The following TKTL1 variants were observed in gnomAD, a reference collection of about 807,000 sequenced individuals.
The protein encoded by TKTL1 is transketolase-like protein 1.
A neutral mutation model predicts 39.3 loss-of-function variants in TKTL1; 1 was observed. That is an observed-to-expected ratio of 0.03 (90% CI 0.01 to 0.12). The LOEUF is 0.12. Ranked by LOEUF, TKTL1 falls within the 10% of genes least tolerant of loss-of-function variation. The pLI, the probability that TKTL1 is intolerant of heterozygous loss-of-function variation, is 1.00. For missense variants in TKTL1, 575 were observed against 509.6 expected, an observed-to-expected ratio of 1.13 and a Z score of -1.24; for synonymous variants, 262 against 193.8, an observed-to-expected ratio of 1.35 and a Z score of -2.92.
chrX:154,305,848 C>G (rs2067311009), intron 2 of TKTL1, among the ~76,000 whole-genome samples: 1 of 111,155 alleles, frequency 9.0e-6, no homozygotes, highest in Non-Finnish European at 1.9e-5. Flanking sequence ...CACATCTGAC[C>G]TGAAACTGAT....
intron 7 of TKTL1, 84 bp downstream of exon 7, chrX:154,315,421 C>G (rs1489411263): frequency 1.3e-5 from 13 of 1,004,244 alleles, no homozygotes; most frequent in Non-Finnish European, 1.6e-5. Flanking sequence ...GTTTTTCTTT[C>G]CATTTATGAA....
chrX:154,300,289 A>AG, intron 1 of TKTL1, among the ~76,000 whole-genome samples: 1 of 112,560 alleles, frequency 8.9e-6, no homozygotes. Flanking sequence ...CTGGGATTAC[A>AG]GGCGTGAGCC....
In TKTL1 at chrX:154,295,834, C is replaced by A. The variant is rs782032074; in HGVS notation, c.-26C>A. 1 of 1,203,261 alleles carries A rather than the reference C, an allele frequency of 8.3e-7. No individual in the cohort carries two copies. The highest frequency in any genetic ancestry group is 3.0e-5 in the East Asian group (1 of 33,622). Reference sequence around the variant, plus strand: ...AGACGCCGGAGACGTAGGAGTGGGTCTTCAGACTCCAAAGGGGTTGGACTA... The same window carrying A: ...AGACGCCGGAGACGTAGGAGTGGGTATTCAGACTCCAAAGGGGTTGGACTA... On this transcript the variant is annotated 5_prime_UTR_variant, in exon 1 of 13. Coordinates refer to ENST00000369915, the MANE Select transcript of TKTL1 (RefSeq NM_012253.4).
chrX:154,300,313 C>T (rs1375161501), intron 1 of TKTL1, among the ~76,000 whole-genome samples: 4 of 112,012 alleles, frequency 3.6e-5, no homozygotes, highest in African/African-American at 1.3e-4. Flanking sequence ...GTGCCCAGCC[C>T]GATGGTGTAT....
At chrX:154,303,095 AC>A (rs1381521360) in intron 1 of TKTL1, among the ~76,000 whole-genome samples, 1 of 110,084 alleles carries the variant, frequency 9.1e-6, no homozygotes, top group African/African-American at 3.3e-5. Context: ...ACAAAATAAC[AC>A]CCTGACTCGT....
chrX:154,310,755 G>T lies in TKTL1; in HGVS notation c.351-81G>T, dbSNP rs782685952. On this transcript the variant is annotated intron_variant, in intron 3 of 12. Coordinates refer to ENST00000369915, the MANE Select transcript of TKTL1 (RefSeq NM_012253.4). The stretch of plus-strand genomic sequence containing the variant: ...TGGAGCAGCAGCTCCAGTTGCGTCC[G>T]TTTCTCCTCCTGAAATGCATTTGTT... The T allele has an allele frequency of 3.3e-6, 3 of 904,745 alleles. No homozygotes were observed. The East Asian group carries it at 9.3e-5, about 28-fold the overall frequency. 74.6% of individuals were successfully genotyped at this position (904,745 alleles called of 1,213,427 possible).
At chrX:154,314,850 A>G (rs1386695202) in intron 6 of TKTL1, among the ~76,000 whole-genome samples, 1 of 109,846 alleles carries the variant, frequency 9.1e-6, no homozygotes, top group Non-Finnish European at 1.9e-5. Flanking sequence ...TATAATGAGA[A>G]CCATTAATGT....
intron 7 of TKTL1, among the ~76,000 whole-genome samples, chrX:154,319,737 TAA>T (rs59299490): frequency 1.9e-4 from 17 of 89,698 alleles, no homozygotes; most frequent in Admixed American, 3.7e-4. Context: ...AGACCCTGTC[TAA>T]AAAAAAAAAA....
rs2067466255 is a variant in TKTL1, at chrX:154,323,272, A to G, written c.1252A>G (p.Thr418Ala). ...CATGTTCCGAACCATTCCCAAGTGC[A>G]CGATCTTCTACCCAACTGATGCCGT... is the stretch of plus-strand genomic sequence containing the variant. Reference protein sequence around the residue: ...IAMFRTIPKCTIFYPTDAVST... With the variant: ...IAMFRTIPKCAIFYPTDAVST... The change falls in exon 9 of 13, where the codon ACG (threonine) becomes GCG (alanine). Residue 418 changes from threonine (T) to alanine (A), a missense_variant. Transcript: ENST00000369915. 4 of 1,209,393 alleles carry G rather than the reference A, an allele frequency of 3.3e-6. No homozygotes were observed. Among genetic ancestry groups the G allele is most frequent in the Non-Finnish European group, 4.5e-6 (4 of 894,921 alleles).
At chrX:154,328,415 G>A (rs2067509881) in intron 12 of TKTL1, among the ~76,000 whole-genome samples, 2 of 105,964 alleles carry the variant, frequency 1.9e-5, no homozygotes, top group Non-Finnish European at 3.9e-5. Flanking sequence ...GTGTGGTGGT[G>A]CATGCCTGTA....
intron 1 of TKTL1, 112 bp downstream of exon 1, chrX:154,296,105 G>A: frequency 2.0e-6 from 2 of 1,014,463 alleles, no homozygotes. Context: ...GGCACAATGG[G>A]CTGTGTCGTA....
intron 1 of TKTL1, among the ~76,000 whole-genome samples, chrX:154,299,149 CTTTTTTTTTT>C (rs1180562974): frequency 8.4e-5 from 3 of 35,927 alleles, no homozygotes; most frequent in Admixed American, 4.0e-4. Flanking sequence ...CTTTTTCTTT[CTTTTTTTTTT>C]TTTTTTTTTT....
chrX:154,312,522 C>T (rs1403409762), intron 5 of TKTL1, 58 bp from the exon 6 acceptor site: 3 of 1,118,684 alleles, frequency 2.7e-6, no homozygotes, highest in East Asian at 3.0e-5. Context: ...TTCAGGTGAC[C>T]TCATAGGCAC....
chrX:154,307,571 C>T (rs1318825715), intron 2 of TKTL1, among the ~76,000 whole-genome samples: 2 of 112,501 alleles, frequency 1.8e-5, no homozygotes, highest in Non-Finnish European at 3.8e-5. Context: ...CATACTGATG[C>T]CTCACCATTT....
At chrX:154,314,591 T>A (rs1480886035) in intron 6 of TKTL1, among the ~76,000 whole-genome samples, 1 of 110,994 alleles carries the variant, frequency 9.0e-6, no homozygotes, top group Non-Finnish European at 1.9e-5. Flanking sequence ...AGTGGTGCAA[T>A]CTCGGCTCAC....
intron 1 of TKTL1, among the ~76,000 whole-genome samples, chrX:154,302,013 G>C (rs1264950154): frequency 2.7e-5 from 3 of 109,876 alleles, no homozygotes; most frequent in African/African-American, 1.0e-4. Context: ...GATCATGTTG[G>C]TTTCCTCGCT....
chrX:154,309,007 C>T (rs939769373), intron 2 of TKTL1, among the ~76,000 whole-genome samples: 4 of 110,889 alleles, frequency 3.6e-5, no homozygotes, highest in Non-Finnish European at 7.6e-5. Context: ...TTGGGCTCCC[C>T]GTCTCTATTC....
rs1291321805 is a variant in TKTL1, at chrX:154,329,448, CTA to C, written c.1619-66_1619-65del. ...TGGGAAGCTGCAGATTCAAAGGCCT[CTA>C]TGTGGTGAGGCTTTAAGGCTGACGA... On this transcript the variant is annotated intron_variant, in intron 12 of 12. Transcript: ENST00000369915. 34 of 1,102,662 alleles carry C rather than the reference CTA, an allele frequency of 3.1e-5. No homozygotes were observed. The East Asian group carries it at 6.0e-4, about 20-fold the overall frequency. The allele number at this position is 1,102,662 out of a possible 1,213,427, so 90.9% of individuals were successfully genotyped here.
intron 6 of TKTL1, among the ~76,000 whole-genome samples, chrX:154,314,381 T>C (rs1166142983): frequency 9.0e-6 from 1 of 111,401 alleles, no homozygotes; most frequent in Non-Finnish European, 1.9e-5. Flanking sequence ...TTAAAAAAAT[T>C]AAATGAATCA....
Sources: allele counts gnomAD v4.1 joint callset (sites outside exome capture counted in the v4.1 genomes callset), GRCh38; gene constraint gnomAD v4.1.1; transcripts MANE v1.5; gene names NCBI Gene and HGNC (gene_info 2026-07-23, HGNC 2026-07-21).